Variants in UBR4 observed in about 807,000 individuals in gnomAD.
The protein encoded by UBR4 is E3 ubiquitin-protein ligase UBR4.
Under a neutral mutation model 575.6 loss-of-function variants are expected in UBR4, and 124 were observed. The observed-to-expected ratio is 0.22, with a 90% confidence interval of 0.19 to 0.25. The LOEUF is 0.25. Among genes scored for constraint, UBR4 ranks in the 10% least tolerant of loss-of-function variants. The pLI, the probability that UBR4 is intolerant of heterozygous loss-of-function variation, is 1.00. For missense variants in UBR4, 4,818 were observed against 6,478.8 expected (o/e 0.74, Z 8.80); for synonymous variants, 2,455 against 2,473.7 (o/e 0.99, Z 0.22).
chr1:19,176,050 G>A (rs2090217260), intron 20 of UBR4, among the ~76,000 whole-genome samples: 1 of 151,710 alleles, frequency 6.6e-6, no homozygotes, highest in African/African-American at 2.4e-5. Context: ...CCCTCCCAAA[G>A]TGCTGGGATT....
intron 4 of UBR4, 43 bp from the exon 5 acceptor site, chr1:19,198,723 A>ACTAGAAGGCAAAGGTG (rs1365531440): frequency 1.2e-6 from 2 of 1,612,662 alleles, no homozygotes; most frequent in Non-Finnish European, 1.7e-6. Context: ...GGAAAGTGCC[A>ACTAGAAGGCAAAGGTG]CTAGAAGGCA....
chr1:19,115,613 C>A lies in UBR4; in HGVS notation c.10848G>T (p.Lys3616Asn). 6.2e-7 allele frequency: 1 copy of A among 1,614,186 alleles called. No individual in the cohort carries two copies. The highest frequency in any genetic ancestry group is 2.2e-5 in the East Asian group (1 of 44,888). Residue 3616 changes from lysine to asparagine, a missense_variant, in exon 74 of 106, where the codon AAG (lysine) becomes AAT (asparagine). Around this residue, in one of 29 missense-constraint regions of UBR4, gnomAD observed 550 missense variants for 791.5 expected, o/e 0.69. Coordinates refer to ENST00000375254, the MANE Select transcript of UBR4 (RefSeq NM_020765.3). ...KNKPARWHKA[K>N]KVQLTPGQTE... ...TCTGTCCAGGGGTCAGCTGAACCTT[C>A]TTGGCTTTGTGCCAGCGAGCTGGCC... is the stretch of plus-strand genomic sequence containing the variant.
chr1:19,118,710 G>C (rs1011296918), intron 71 of UBR4, 162 bp downstream of exon 71: 2 of 665,088 alleles, frequency 3.0e-6, no homozygotes, highest in Non-Finnish European at 5.2e-6. Flanking sequence ...CCTTCTATTT[G>C]CAAGACCCTG....
At position 19,208,513 on chromosome 1, in the gene UBR4, C is replaced by T. The variant is rs1346835561; in HGVS notation, c.176+1560G>A. Reference sequence around the variant, plus strand: ...AAGAGATCTTGCCTTCCAATAAATGCGTTACCAAAGACCCATCAGTTTGGA... The same window carrying T: ...AAGAGATCTTGCCTTCCAATAAATGTGTTACCAAAGACCCATCAGTTTGGA... On this transcript the variant is annotated intron_variant, in intron 1 of 105. Coordinates refer to ENST00000375254, the MANE Select transcript of UBR4 (RefSeq NM_020765.3). 4.0e-5 allele frequency among the ~76,000 whole-genome samples: 6 copies of T among 149,050 alleles called. 1 individual carries two copies. In the South Asian group the frequency reaches 1.3e-3, roughly 32 times the overall value.
At chr1:19,169,168 C>T (rs1183475663) in intron 27 of UBR4, among the ~76,000 whole-genome samples, 1 of 152,130 alleles carries the variant, frequency 6.6e-6, no homozygotes, top group Non-Finnish European at 1.5e-5. Flanking sequence ...TGAATCGTCA[C>T]AGCCCAATAT....
intron 50 of UBR4, 148 bp from the exon 51 acceptor site, chr1:19,148,275 AG>A: frequency 9.1e-7 from 1 of 1,096,788 alleles, no homozygotes; most frequent in Non-Finnish European, 1.3e-6. Context: ...AAAAAGTTTC[AG>A]AAATTATAAT....
Position 19,093,546 on chromosome 1 carries a change from C to G in UBR4, c.13938-60G>C, listed in dbSNP as rs2077730151. On this transcript the variant is annotated intron_variant, in intron 95 of 105. Transcript: ENST00000375254. The surrounding 1 kb of genome is among the most constrained non-coding windows in gnomAD (Gnocchi z 4.8). The stretch of plus-strand genomic sequence containing the variant: ...GGCGGGACAAAACCCAGTCATGTCA[C>G]CCTCTTGGTTAACAACTGTCAACAG... The G allele has an allele frequency of 6.4e-7, 1 of 1,567,608 alleles. No homozygotes were observed. The highest frequency in any genetic ancestry group is 8.7e-7 in the Non-Finnish European group (1 of 1,147,794).
At position 19,187,046 on chromosome 1, in the gene UBR4, G is replaced by C. The variant is rs150704468; in HGVS notation, c.1632+118C>G. On this transcript the variant is annotated intron_variant, in intron 13 of 105. Transcript: ENST00000375254. ...TTTGGGTCTATAAAGGTCATGGTGT[G>C]TAGTCAGTCTTATTCATTTCAAGAA... 392 of 802,788 alleles carry C rather than the reference G, an allele frequency of 4.9e-4. 3 individuals are homozygous for C. The African/African-American group carries it at 6.8e-3, about 14-fold the overall frequency. 49.7% of individuals were successfully genotyped at this position (802,788 alleles called of 1,614,324 possible).
chr1:19,146,115 G>C (rs1226738547), intron 52 of UBR4, 182 bp from the exon 53 acceptor site: 2 of 1,542,124 alleles, frequency 1.3e-6, no homozygotes, highest in Admixed American at 2.0e-5. Context: ...GTCTGGGAAA[G>C]GAATATCGCA....
chr1:19,172,267 A>G (rs2089670513), intron 25 of UBR4, among the ~76,000 whole-genome samples: 1 of 152,118 alleles, frequency 6.6e-6, no homozygotes, highest in Non-Finnish European at 1.5e-5. Context: ...CTGTAATCCC[A>G]GCACTTTGGG....
In UBR4 at chr1:19,074,836, G is replaced by T; in HGVS notation, c.15548C>A (p.Pro5183His). The change falls in exon 106 of 106, where the codon CCC (proline) becomes CAC (histidine). Residue 5183 changes from proline (P) to histidine (H), a missense_variant. This residue lies in a region of UBR4 where 212 missense variants were observed against 221.3 expected (regional missense o/e 0.96). Coordinates refer to ENST00000375254, the MANE Select transcript of UBR4 (RefSeq NM_020765.3). ...GCCGCAGCTGCTGTGTGGTGGTCAG[G>T]GGACTGAGTTCAACAGGTCCTTCAG... ...SFLKDLLNSVP is the reference protein window; with the variant it reads ...SFLKDLLNSVH The T allele has an allele frequency of 1.2e-6, 2 of 1,614,050 alleles. No homozygotes were observed. The highest frequency in any genetic ancestry group is 2.2e-5 in the South Asian group (2 of 91,048).
At chr1:19,159,589 C>G (rs1051800740) in intron 39 of UBR4, among the ~76,000 whole-genome samples, 2 of 151,720 alleles carry the variant, frequency 1.3e-5, no homozygotes, top group African/African-American at 4.8e-5. Flanking sequence ...ACCCTGGATT[C>G]CCCAGCCCCA....
At chr1:19,138,262 G>C in intron 59 of UBR4, 81 bp from the exon 60 acceptor site, 1 of 1,378,572 alleles carries the variant, frequency 7.3e-7, no homozygotes, top group East Asian at 2.6e-5. Context: ...AGCAGCAATA[G>C]TTAAGACAGT....
chr1:19,190,292 C>CAAAAAAA lies in UBR4; in HGVS notation c.1394+1889_1394+1895dup, dbSNP rs1184892281. Among the ~76,000 whole-genome samples the CAAAAAAA allele has an allele frequency of 5.5e-4, 22 of 40,360 alleles. 2 individuals are homozygous for CAAAAAAA. Among genetic ancestry groups the CAAAAAAA allele is most frequent in the East Asian group, 3.0e-3 (3 of 1,012 alleles). 26.5% of individuals were successfully genotyped at this position (40,360 alleles called of 152,430 possible). ...TGGGCAACAGAGCGAGACTCTGCCT[C>CAAAAAAA]AAAAAAAAAAAAAAAAAAAAATATA... On this transcript the variant is annotated intron_variant, in intron 11 of 105. Coordinates refer to ENST00000375254, the MANE Select transcript of UBR4 (RefSeq NM_020765.3).
intron 97 of UBR4, among the ~76,000 whole-genome samples, chr1:19,090,861 G>A (rs906711856): frequency 6.6e-6 from 1 of 152,148 alleles, no homozygotes; most frequent in African/African-American, 2.4e-5. Context: ...TTGGGAGGCT[G>A]AGGGGAGCGG....
At chr1:19,114,514 A>G (rs1342977195) in intron 75 of UBR4, among the ~76,000 whole-genome samples, 1 of 152,208 alleles carries the variant, frequency 6.6e-6, no homozygotes, top group Non-Finnish European at 1.5e-5. Flanking sequence ...CAGCCTCAAT[A>G]TGAAGCAGTC....
chr1:19,153,827 T>C lies in UBR4; in HGVS notation c.6571A>G (p.Met2191Val). The C allele has an allele frequency of 6.2e-7, 1 of 1,614,186 alleles. No individual in the cohort carries two copies. Among genetic ancestry groups the C allele is most frequent in the Non-Finnish European group, 8.5e-7 (1 of 1,180,020 alleles). The change falls in exon 45 of 106, where the codon ATG becomes GTG. Residue 2191 changes from methionine to valine, a missense_variant. Transcript: ENST00000375254. This position sits in a 1 kb window ranked among gnomAD's most constrained non-coding sequence, Gnocchi z 4.1. ...ATAAGAAAAGTGTCTGGTTTCACCA[T>C]AACTACCAGCGGCACCCCTGTAGTT... ...QQTTGVPLVV[M>V]VKPDTFLIQE...
chr1:19,193,558 C>G lies in UBR4; in HGVS notation c.1019-1G>C. The G allele has an allele frequency of 6.2e-7, 1 of 1,612,498 alleles. No homozygotes were observed. The highest frequency in any genetic ancestry group is 8.5e-7 in the Non-Finnish European group (1 of 1,179,204). ...GCCATGCACGTTGCCACACTCACAC[C>G]TGAAAAAGAAGATGCACAGGTCTCA... On this transcript the variant is annotated splice_acceptor_variant, in intron 8 of 105. Coordinates refer to ENST00000375254, the MANE Select transcript of UBR4 (RefSeq NM_020765.3). LOFTEE classifies it high-confidence loss of function.
chr1:19,165,401 T>TA, intron 30 of UBR4, 52 bp from the exon 31 acceptor site: 1 of 1,460,940 alleles, frequency 6.8e-7, no homozygotes, highest in Non-Finnish European at 9.5e-7. Context: ...AAGCCCCACA[T>TA]AAAAAGCATC....
Sources: allele counts gnomAD v4.1 joint callset (sites outside exome capture counted in the v4.1 genomes callset), GRCh38; gene constraint gnomAD v4.1.1; regional missense constraint gnomAD v4.1.1; non-coding constraint Gnocchi (gnomAD v3.1); transcripts MANE v1.5; gene names NCBI Gene and HGNC (gene_info 2026-07-23, HGNC 2026-07-21).